PACS1: variants seen among roughly 807,000 people sequenced by gnomAD.
PACS1 encodes the protein PACS-1.
Under a neutral mutation model 115.0 loss-of-function variants are expected in PACS1, and 24 were observed. The observed-to-expected ratio is 0.21, with a 90% CI of 0.15 to 0.29. PACS1 has a LOEUF of 0.29. PACS1 is among the 10% of genes least tolerant of loss of function. PACS1 has a pLI of 1.00. For synonymous variants in PACS1, 453 were observed against 504.5 expected (o/e 0.90, Z 1.37); for missense variants, 838 against 1,251.2 (o/e 0.67, Z 4.98).
At chr11:66,193,455 A>T (rs1335142257) in intron 1 of PACS1, 31 bp from the exon 2 acceptor site, 2 of 1,493,404 alleles carry the variant, frequency 1.3e-6, no homozygotes, top group African/African-American at 2.8e-5. Flanking sequence ...TTCCTCGCAT[A>T]TGACAGCATC....
intron 9 of PACS1, 21 bp downstream of exon 9, chr11:66,220,812 CT>C: frequency 6.2e-7 from 1 of 1,610,572 alleles, no homozygotes; most frequent in Non-Finnish European, 8.5e-7. Context: ...CTCTCTGTAG[CT>C]GGCCTCCAGA....
At chr11:66,182,369 C>G (rs1004980222) in intron 1 of PACS1, among the ~76,000 whole-genome samples, 2 of 152,148 alleles carry the variant, frequency 1.3e-5, no homozygotes, top group African/African-American at 4.8e-5. Context: ...ATTGTTTAGG[C>G]TTAAGTTTTT....
In PACS1 at chr11:66,242,976, T is replaced by C. The variant is rs200858758; in HGVS notation, c.2721T>C (p.Ile907=). Residue 907 remains isoleucine (I), a synonymous_variant, in exon 23 of 24, where the codon ATT becomes ATC. Coordinates refer to ENST00000320580, the MANE Select transcript of PACS1 (RefSeq NM_018026.4). ...AGGTGGATTCTAAGAGCCAGGTCAT[T>C]GAAGGCATCAGCCGCCTCATCTGCT... ...EKEVDSKSQV[I]EGISRLICSA... The C allele has an allele frequency of 3.1e-6, 5 of 1,613,464 alleles. No individual in the cohort carries two copies. In the East Asian group the frequency reaches 1.1e-4, roughly 36 times the overall value.
At chr11:66,206,303 A>G (rs367800360) in intron 2 of PACS1, among the ~76,000 whole-genome samples, 2 of 152,252 alleles carry the variant, frequency 1.3e-5, no homozygotes, top group South Asian at 4.1e-4. Flanking sequence ...CAAATGATAC[A>G]AAAGTATATT....
intron 1 of PACS1, among the ~76,000 whole-genome samples, chr11:66,147,371 C>A (rs1335341413): frequency 6.6e-6 from 1 of 151,516 alleles, no homozygotes; most frequent in Non-Finnish European, 1.5e-5. Context: ...GAGGAAAATT[C>A]TACCAATGGA....
chr11:66,070,907 C>T lies in PACS1; in HGVS notation c.356+65C>T. On this transcript the variant is annotated intron_variant, in intron 1 of 23. Coordinates refer to ENST00000320580, the MANE Select transcript of PACS1 (RefSeq NM_018026.4). This position sits in a 1 kb window ranked among gnomAD's most constrained non-coding sequence, Gnocchi z 5.9. ...GGTGGCCGCCGGGGCCCAGCCCTCC[C>T]CGCCCCAGCGCCCATGGGGTCCCCG... The T allele has an allele frequency of 7.4e-7, 1 of 1,359,916 alleles. No homozygotes were observed. 84.2% of individuals were successfully genotyped at this position (1,359,916 alleles called of 1,614,324 possible). A position where few individuals can be genotyped will look rare whatever the true frequency, so the allele number is the denominator to read the frequency against.
At chr11:66,168,683 T>G (rs1859664202) in intron 1 of PACS1, among the ~76,000 whole-genome samples, 1 of 150,466 alleles carries the variant, frequency 6.6e-6, no homozygotes, top group Non-Finnish European at 1.5e-5. Context: ...TGTTGGTAGC[T>G]GTTGCTATTA....
intron 1 of PACS1, among the ~76,000 whole-genome samples, chr11:66,121,957 A>C (rs1858452990): frequency 6.6e-6 from 1 of 152,198 alleles, no homozygotes; most frequent in Admixed American, 6.6e-5. Flanking sequence ...ACACTAAACA[A>C]CAGATTTTCA....
At chr11:66,090,183 G>A (rs1290722873) in intron 1 of PACS1, among the ~76,000 whole-genome samples, 2 of 151,346 alleles carry the variant, frequency 1.3e-5, no homozygotes, top group African/African-American at 4.9e-5. Context: ...AAAGTGGCTT[G>A]GCTTGACTTG....
intron 4 of PACS1, among the ~76,000 whole-genome samples, chr11:66,214,382 A>C (rs1003537183): frequency 1.3e-5 from 2 of 152,170 alleles, no homozygotes; most frequent in East Asian, 3.9e-4. Flanking sequence ...TGCCAGTGAC[A>C]GGCGACCACC....
At chr11:66,135,713 G>A (rs377018882) in intron 1 of PACS1, among the ~76,000 whole-genome samples, 3 of 149,962 alleles carry the variant, frequency 2.0e-5, no homozygotes, top group African/African-American at 7.4e-5. Context: ...CTAGAGTGCA[G>A]TGGTGCAATC....
intron 1 of PACS1, among the ~76,000 whole-genome samples, chr11:66,137,497 CATCTT>C (rs761752012): frequency 1.3e-5 from 2 of 152,202 alleles, no homozygotes; most frequent in Non-Finnish European, 2.9e-5. Context: ...CCACCACACA[CATCTT>C]ATACCTTCAT....
At position 66,136,331 on chromosome 11, in the gene PACS1, A is replaced by T. The variant is rs201123696; in HGVS notation, c.357-57155A>T. On this transcript the variant is annotated intron_variant, in intron 1 of 23. Coordinates refer to ENST00000320580, the MANE Select transcript of PACS1 (RefSeq NM_018026.4). ...ACTGCCCAATCCCACTGTCACACAC[A>T]CACACACACACACACACACACACCA... Among the ~76,000 whole-genome samples the T allele has an allele frequency of 8.2e-3, 1,233 of 151,222 alleles. 73 individuals are homozygous for T. The East Asian group carries it at 0.17, about 21-fold the overall frequency.
chr11:66,121,963 T>A (rs1858453242), intron 1 of PACS1, among the ~76,000 whole-genome samples: 1 of 152,176 alleles, frequency 6.6e-6, no homozygotes, highest in African/African-American at 2.4e-5. Flanking sequence ...AACAACAGAT[T>A]TTCAGTGGAG....
At chr11:66,201,506 T>C (rs1436259084) in intron 2 of PACS1, among the ~76,000 whole-genome samples, 2 of 151,506 alleles carry the variant, frequency 1.3e-5, no homozygotes, top group Non-Finnish European at 2.9e-5. Flanking sequence ...GAAGAAAGAC[T>C]TCAAATAAAC....
intron 1 of PACS1, among the ~76,000 whole-genome samples, chr11:66,138,337 C>T (rs1858895887): frequency 6.6e-6 from 1 of 152,074 alleles, no homozygotes; most frequent in Non-Finnish European, 1.5e-5. Context: ...CCCAAGCAAC[C>T]ACCCAAAGTG....
intron 1 of PACS1, among the ~76,000 whole-genome samples, chr11:66,184,889 T>C (rs1182447555): frequency 6.6e-6 from 1 of 152,182 alleles, no homozygotes; most frequent in Non-Finnish European, 1.5e-5. Flanking sequence ...CTGGGAACAC[T>C]CTATCAGCGG....
chr11:66,071,859 A>C (rs146700088), intron 1 of PACS1, among the ~76,000 whole-genome samples: 1 of 151,920 alleles, frequency 6.6e-6, no homozygotes, highest in Non-Finnish European at 1.5e-5. Flanking sequence ...TCCTTTCCCC[A>C]CCTTTATTCT....
chr11:66,081,355 G>A (rs1237672763), intron 1 of PACS1, among the ~76,000 whole-genome samples: 1 of 152,180 alleles, frequency 6.6e-6, no homozygotes, highest in African/African-American at 2.4e-5. Context: ...AACATAGAAA[G>A]CACTTAATAT....
Sources: gnomAD v4.1 joint callset for allele counts (sites outside exome capture counted in the v4.1 genomes callset) on GRCh38, gnomAD v4.1.1 for gene constraint, Gnocchi (gnomAD v3.1) non-coding constraint, MANE v1.5 for transcripts, NCBI Gene and HGNC (gene_info 2026-07-23, HGNC 2026-07-21) for gene names.